Variants in MYLK3 observed in about 807,000 individuals in gnomAD.
The protein encoded by MYLK3 is MLC kinase.
A neutral mutation model predicts 76.3 loss-of-function variants in MYLK3; 55 were observed. That is an observed-to-expected ratio of 0.72 (90% confidence interval 0.58 to 0.90). MYLK3 has a LOEUF of 0.90. Ranked by LOEUF, MYLK3 falls within the 40% of genes least tolerant of loss-of-function variation. The probability of loss-of-function intolerance (pLI) is 0.00; values close to 1 mark genes in which losing one functional copy is unlikely to be tolerated. For missense variants in MYLK3, 973 were observed against 1,053.6 expected (o/e 0.92, Z 1.06); for synonymous variants, 416 against 425.4 (o/e 0.98, Z 0.27).
intron 4 of MYLK3, among the ~76,000 whole-genome samples, chr16:46,731,072 T>C (rs934250807): frequency 1.3e-5 from 2 of 152,210 alleles, no homozygotes; most frequent in African/African-American, 4.8e-5. Flanking sequence ...TTAAAGGGAC[T>C]GTAAAGTCAG....
At chr16:46,742,447 A>AACACACACACACACACACAC (rs57671045) in intron 1 of MYLK3, among the ~76,000 whole-genome samples, 6 of 131,092 alleles carry the variant, frequency 4.6e-5, no homozygotes, top group African/African-American at 1.7e-4. Flanking sequence ...TCCCAGCAAA[A>AACACACACACACACACACAC]ACACACACAC....
chr16:46,744,364 T>A (rs36468), intron 1 of MYLK3, among the ~76,000 whole-genome samples: 107,542 of 109,616 alleles, frequency 0.98, 52,777 homozygotes, highest in South Asian at 1. Flanking sequence ...TTTAAGATGG[T>A]GTTTTTGCTC....
In MYLK3 at chr16:46,727,302, G is replaced by A; in HGVS notation, c.1848C>T (p.Phe616=). The A allele has an allele frequency of 6.2e-7, 1 of 1,614,106 alleles. No homozygotes were observed. Among genetic ancestry groups the A allele is most frequent in the South Asian group, 1.1e-5 (1 of 91,074 alleles). Residue 616 remains phenylalanine, a synonymous_variant, in exon 8 of 13, where the codon TTC becomes TTT. Coordinates refer to ENST00000394809, the MANE Select transcript of MYLK3 (RefSeq NM_182493.3). ...GCACACCCTCACAGATCTGCCTGGT[G>A]AACAGGACCACATCCAGCTCAGTCA... The part of the protein sequence containing the change: ...YHLTELDVVL[F]TRQICEGVHY...
intron 8 of MYLK3, chr16:46,726,626 G>GA (rs1262349822): frequency 1.5e-5 from 2 of 133,548 alleles, no homozygotes; most frequent in Non-Finnish European, 3.2e-5. Context: ...GAAAGAGAAA[G>GA]AAAAAGAAAG....
At chr16:46,735,406 AT>A (rs1966863792) in intron 3 of MYLK3, among the ~76,000 whole-genome samples, 1 of 152,070 alleles carries the variant, frequency 6.6e-6, no homozygotes, top group Non-Finnish European at 1.5e-5. Flanking sequence ...GGGTTTCACC[AT>A]TTTGGCCAGG....
intron 3 of MYLK3, among the ~76,000 whole-genome samples, chr16:46,734,304 G>C (rs1334317562): frequency 6.6e-6 from 1 of 152,190 alleles, no homozygotes; most frequent in African/African-American, 2.4e-5. Flanking sequence ...TCAGTGAAAT[G>C]AGCCAGGCAC....
chr16:46,740,018 G>T, intron 2 of MYLK3, 39 bp downstream of exon 2: 1 of 1,442,542 alleles, frequency 6.9e-7, no homozygotes. Flanking sequence ...AAGCTGTTGT[G>T]TCTGCAATGT....
intron 10 of MYLK3, among the ~76,000 whole-genome samples, chr16:46,712,166 G>T (rs772756626): frequency 2.7e-5 from 4 of 150,864 alleles, no homozygotes; most frequent in Non-Finnish European, 5.9e-5. Flanking sequence ...AATTTTTTTT[G>T]GTTTTGGTAG....
chr16:46,752,862 A>G (rs1967144599), upstream of MYLK3, among the ~76,000 whole-genome samples: 2 of 152,224 alleles, frequency 1.3e-5, no homozygotes, highest in African/African-American at 2.4e-5. Flanking sequence ...CCTGGACAAC[A>G]GAAAAAGACC....
chr16:46,749,792 C>A (rs948396232), upstream of MYLK3, among the ~76,000 whole-genome samples: 1 of 152,196 alleles, frequency 6.6e-6, no homozygotes, highest in African/African-American at 2.4e-5. Flanking sequence ...AGACCATTAA[C>A]CTATCAATGC....
At chr16:46,734,202 C>T (rs903054069) in intron 3 of MYLK3, among the ~76,000 whole-genome samples, 3 of 152,118 alleles carry the variant, frequency 2.0e-5, no homozygotes, top group South Asian at 4.1e-4. Flanking sequence ...GTGGTGTCTA[C>T]GCATTATATA....
At chr16:46,756,810 G>A (rs987537856) in intron 1 of MYLK3, among the ~76,000 whole-genome samples, 6 of 152,172 alleles carry the variant, frequency 3.9e-5, no homozygotes, top group African/African-American at 9.7e-5. Context: ...GGACATTAAC[G>A]TAAGCAAAAT....
At chr16:46,713,823 C>T (rs912226702) in intron 9 of MYLK3, among the ~76,000 whole-genome samples, 2 of 152,186 alleles carry the variant, frequency 1.3e-5, no homozygotes, top group African/African-American at 2.4e-5. Context: ...AGTGAGATCA[C>T]GTGGTACTTG....
chr16:46,755,185 C>A (rs1266134375), intron 1 of MYLK3, among the ~76,000 whole-genome samples: 1 of 152,094 alleles, frequency 6.6e-6, no homozygotes, highest in Non-Finnish European at 1.5e-5. Context: ...AGGCTTGAGC[C>A]ACCACACCTG....
intron 1 of MYLK3, 94 bp downstream of exon 1, chr16:46,747,623 C>T: frequency 8.2e-7 from 1 of 1,225,656 alleles, no homozygotes. Flanking sequence ...AAGGGGACAC[C>T]ATGCCTCCAG....
At chr16:46,727,164 C>T in intron 8 of MYLK3, 72 bp downstream of exon 8, 2 of 1,530,362 alleles carry the variant, frequency 1.3e-6, no homozygotes, top group Non-Finnish European at 1.8e-6. Context: ...GTGGATAGAG[C>T]TCTCAATGGT....
At position 46,707,410 on chromosome 16, in the gene MYLK3, A is replaced by G. The variant is rs1028197258; in HGVS notation, c.*294T>C. The G allele has an allele frequency of 1.8e-5, 5 of 280,578 alleles. No individual in the cohort carries two copies. The highest frequency in any genetic ancestry group is 3.3e-5 in the Non-Finnish European group (5 of 152,044). The allele number at this position is 280,578 out of a possible 1,614,324, so 17.4% of individuals were successfully genotyped here. On this transcript the variant is annotated 3_prime_UTR_variant, in exon 13 of 13. Transcript: ENST00000394809. ...TGAGTTTAGAATTTAAATTCGACAG[A>G]TGCAAAGTACCTACCTAAAGCATCC...
At chr16:46,722,564 A>AC (rs1966809973) in intron 8 of MYLK3, among the ~76,000 whole-genome samples, 1 of 152,238 alleles carries the variant, frequency 6.6e-6, no homozygotes, top group Admixed American at 6.5e-5. Flanking sequence ...ACACTGTCCA[A>AC]TAAAAATATA....
chr16:46,711,441 G>C (rs757295407), intron 10 of MYLK3: 2 of 239,134 alleles, frequency 8.4e-6, no homozygotes, highest in African/African-American at 4.7e-5. Flanking sequence ...GTTCAATGAT[G>C]CCACAAAGGG....
Sources: gnomAD v4.1 joint callset for allele counts (sites outside exome capture counted in the v4.1 genomes callset) on GRCh38, gnomAD v4.1.1 for gene constraint, MANE v1.5 for transcripts, NCBI Gene and HGNC (gene_info 2026-07-23, HGNC 2026-07-21) for gene names.